Variants in TRAPPC11 observed in about 807,000 individuals in gnomAD.
The protein encoded by TRAPPC11 is trafficking protein particle complex subunit 11, also known as foie gras homolog.
In TRAPPC11, 104 loss-of-function variants were observed where a neutral mutation model predicts 151.2. The observed-to-expected ratio is 0.69, with a 90% CI of 0.59 to 0.81. The LOEUF (loss-of-function observed/expected upper bound fraction) is 0.81. TRAPPC11 is among the 30% of genes least tolerant of loss of function. The pLI is 0.00. For missense variants in TRAPPC11, 1,230 were observed against 1,349.6 expected (o/e 0.91, Z 1.39); for synonymous variants, 456 against 472.3 (o/e 0.97, Z 0.45).
chr4:183,706,675 T>C (rs987204280), intron 27 of TRAPPC11, 132 bp from the exon 28 acceptor site: 3 of 949,590 alleles, frequency 3.2e-6, no homozygotes, highest in Non-Finnish European at 4.6e-6. Context: ...AATTTTCTTA[T>C]CCGGCAAGAG....
In TRAPPC11 at chr4:183,672,649, G is replaced by A. The variant is rs564088470; in HGVS notation, c.561-2064G>A. 3.3e-5 allele frequency among the ~76,000 whole-genome samples: 5 copies of A among 152,294 alleles called. No homozygotes were observed. In the South Asian group the frequency reaches 6.2e-4, roughly 19 times the overall value. ...CTCTGTAGCCTGTTACGGTTAAAGC[G>A]AGGGAAAGATTTGACTCTGTATCCC... On this transcript the variant is annotated intron_variant, in intron 5 of 29. Transcript: ENST00000334690.
At chr4:183,684,982 A>G (rs1735892344) in intron 15 of TRAPPC11, 102 bp from the exon 16 acceptor site, 1 of 1,313,040 alleles carries the variant, frequency 7.6e-7, no homozygotes, top group African/African-American at 1.5e-5. Context: ...TAGTCATCTT[A>G]AAGAGGTATT....
intron 25 of TRAPPC11, among the ~76,000 whole-genome samples, chr4:183,699,982 C>T (rs1736725364): frequency 6.6e-6 from 1 of 152,064 alleles, no homozygotes; most frequent in South Asian, 2.1e-4. Context: ...CCCACCACCA[C>T]GCCCGGCTAA....
chr4:183,699,372 C>T (rs1736693057), intron 25 of TRAPPC11, among the ~76,000 whole-genome samples: 5 of 152,096 alleles, frequency 3.3e-5, no homozygotes, highest in Non-Finnish European at 1.5e-5. Context: ...TTGTACACAC[C>T]TACATTGTAA....
chr4:183,705,030 G>C lies in TRAPPC11; in HGVS notation c.3015G>C (p.Pro1005=), dbSNP rs532244366. 8.1e-6 allele frequency: 13 copies of C among 1,598,702 alleles called. No individual in the cohort carries two copies. The highest frequency in any genetic ancestry group is 3.3e-4 in the Middle Eastern group (2 of 5,984). Residue 1005 remains proline, a synonymous_variant, in exon 27 of 30, where the codon CCG becomes CCC. Coordinates refer to ENST00000334690, the MANE Select transcript of TRAPPC11 (RefSeq NM_021942.6). ...TCATCACAACTGTCATCACTCTGCC[G>C]CACGTGATTGTGGAGAATATCCCTC... ...IPIITTVITL[P]HVIVENIPLH... is the part of the protein sequence containing the mutation.
At chr4:183,690,369 A>G (rs777210614) in intron 18 of TRAPPC11, among the ~76,000 whole-genome samples, 1 of 152,218 alleles carries the variant, frequency 6.6e-6, no homozygotes, top group African/African-American at 2.4e-5. Flanking sequence ...AGGTCTTGAT[A>G]TTTATTGAAC....
intron 8 of TRAPPC11, among the ~76,000 whole-genome samples, chr4:183,678,507 C>T (rs145110374): frequency 1.9e-3 from 290 of 152,220 alleles, no homozygotes; most frequent in African/African-American, 6.8e-3. Flanking sequence ...ATATTAAAAG[C>T]TGTTGAGAAT....
chr4:183,678,600 T>C (rs749255681), intron 8 of TRAPPC11, among the ~76,000 whole-genome samples: 7 of 152,198 alleles, frequency 4.6e-5, no homozygotes, highest in Non-Finnish European at 1.0e-4. Context: ...ATATTTAGTG[T>C]GATGTTGTTA....
chr4:183,674,780 C>T lies in TRAPPC11; in HGVS notation c.628C>T (p.His210Tyr). ...CACTGAGATCAGAAGAGTGAAATCT[C>T]ATAAAGAATTTTTGAATAAAACAAC... The part of the protein sequence containing the change: ...YYTEIRRVKS[H>Y]KEFLNKTTHQ... Residue 210 changes from histidine to tyrosine, a missense_variant, in exon 6 of 30, where the codon CAT becomes TAT. Physicochemically the swap from His to Tyr is moderately conservative, Grantham distance 83 (BLOSUM62 2). Transcript: ENST00000334690. 2 of 1,594,820 alleles carry T rather than the reference C, an allele frequency of 1.3e-6. No homozygotes were observed. The highest frequency in any genetic ancestry group is 8.5e-7 in the Non-Finnish European group (1 of 1,172,972).
chr4:183,660,967 C>T lies in TRAPPC11; in HGVS notation c.-22+1520C>T, dbSNP rs139866396. Among the ~76,000 whole-genome samples the T allele has an allele frequency of 8.5e-3, 1,301 of 152,204 alleles. 15 individuals carry two copies. Among genetic ancestry groups the T allele is most frequent in the African/African-American group, 0.03 (1,229 of 41,570 alleles). Reference sequence around the variant, plus strand: ...GACCTCGTGAATCGCCCGCCTTGGCCTCCCAAAGTGCTGGGATTACAGGCG... The same window carrying T: ...GACCTCGTGAATCGCCCGCCTTGGCTTCCCAAAGTGCTGGGATTACAGGCG... On this transcript the variant is annotated intron_variant, in intron 1 of 29. Transcript: ENST00000334690.
In TRAPPC11 at chr4:183,697,469, A is replaced by G. The variant is rs772397670; in HGVS notation, c.2629-34A>G. On this transcript the variant is annotated intron_variant, in intron 23 of 29. Transcript: ENST00000334690. ...AAACTTTATATAAAAAGATTTAGAAAATCCATGAATGTGCCCTTTACATTT... is the reference window on the plus strand; with the variant it reads ...AAACTTTATATAAAAAGATTTAGAAGATCCATGAATGTGCCCTTTACATTT... 15 of 1,579,368 alleles carry G rather than the reference A, an allele frequency of 9.5e-6. No individual in the cohort carries two copies. The South Asian group carries it at 1.6e-4, about 17-fold the overall frequency.
chr4:183,698,399 G>A (rs1191569162), intron 25 of TRAPPC11, among the ~76,000 whole-genome samples: 2 of 151,704 alleles, frequency 1.3e-5, no homozygotes, highest in Admixed American at 1.3e-4. Context: ...TTGTGTGTTT[G>A]GAAATCATTG....
intron 10 of TRAPPC11, among the ~76,000 whole-genome samples, chr4:183,680,918 C>G (rs972286829): frequency 2.6e-5 from 4 of 151,854 alleles, no homozygotes; most frequent in Non-Finnish European, 2.9e-5. Flanking sequence ...GTCTCAAACT[C>G]CTGATCTCAG....
In TRAPPC11 at chr4:183,682,724, A is replaced by G; in HGVS notation, c.1114-8A>G. 6.3e-7 allele frequency: 1 copy of G among 1,594,452 alleles called. No individual in the cohort carries two copies. Among genetic ancestry groups the G allele is most frequent in the South Asian group, 1.1e-5 (1 of 88,198 alleles). On this transcript the variant is annotated splice_region_variant and splice_polypyrimidine_tract_variant and intron_variant, in intron 10 of 29. Transcript: ENST00000334690. ...AACTATTATTTAGGTTTGTGTTTTA[A>G]TTTACAGGCTTCTGTAATGTATCCC...
intron 5 of TRAPPC11, 101 bp downstream of exon 5, chr4:183,668,218 A>G: frequency 1.5e-6 from 1 of 663,442 alleles, no homozygotes; most frequent in Non-Finnish European, 2.6e-6. Flanking sequence ...ATGTTCATGA[A>G]AAACATTCAT....
chr4:183,690,680 A>G (rs907197391), intron 18 of TRAPPC11, among the ~76,000 whole-genome samples: 19 of 152,182 alleles, frequency 1.2e-4, no homozygotes, highest in African/African-American at 4.1e-4. Context: ...AAAGCAAAGG[A>G]ATGGGGCTGG....
intron 28 of TRAPPC11, 27 bp downstream of exon 28, chr4:183,706,967 T>G: frequency 3.1e-6 from 5 of 1,608,338 alleles, no homozygotes; most frequent in Non-Finnish European, 3.4e-6. Flanking sequence ...GTGATGCTTA[T>G]GTTGACACAA....
At chr4:183,699,645 G>T (rs535570789) in intron 25 of TRAPPC11, among the ~76,000 whole-genome samples, 1 of 152,266 alleles carries the variant, frequency 6.6e-6, no homozygotes, top group Non-Finnish European at 1.5e-5. Flanking sequence ...AGTTCTACAG[G>T]TTAGAAGTCC....
At chr4:183,685,563 C>G (rs1401216554) in intron 17 of TRAPPC11, among the ~76,000 whole-genome samples, 160 bp downstream of exon 17, 1 of 151,950 alleles carries the variant, frequency 6.6e-6, no homozygotes, top group East Asian at 1.9e-4. Context: ...CAGTGACTTA[C>G]AAAGGTAGTT....
Sources: gnomAD v4.1 joint callset for allele counts (sites outside exome capture counted in the v4.1 genomes callset) on GRCh38, gnomAD v4.1.1 for gene constraint, MANE v1.5 for transcripts, NCBI Gene and HGNC (gene_info 2026-07-23, HGNC 2026-07-21) for gene names.